Variants in STPG2 observed in about 807,000 individuals in gnomAD.
STPG2 encodes the protein sperm tail PG-rich repeat containing 2.
Under a neutral mutation model 54.2 loss-of-function variants are expected in STPG2, and 56 were observed. The observed-to-expected ratio is 1.03, with a 90% CI of 0.83 to 1.29. The LOEUF (loss-of-function observed/expected upper bound fraction) is 1.29, where lower values mean the gene tolerates loss of function less well. STPG2 is among the 50% of genes most tolerant of loss of function. STPG2 has a pLI of 0.00. For missense variants in STPG2, 596 were observed against 544.9 expected (o/e 1.09, Z -0.93); for synonymous variants, 200 against 181.8 (o/e 1.10, Z -0.81).
rs559726759 is a variant in STPG2, at chr4:97,597,474, A to G, written c.1321-38357T>C. ...CAACTAAGAAAGAAAACTTTTACCCAGTATCCTTCAACGAAACTCTAGCAA... is the reference window on the plus strand; with the variant it reads ...CAACTAAGAAAGAAAACTTTTACCCGGTATCCTTCAACGAAACTCTAGCAA... On this transcript the variant is annotated intron_variant, in intron 10 of 10. Transcript: ENST00000295268. Among the ~76,000 whole-genome samples, 15 of 152,196 alleles carry G rather than the reference A, an allele frequency of 9.9e-5. 1 individual carries two copies. The highest frequency in any genetic ancestry group is 3.4e-3 in the Middle Eastern group (1 of 294).
chr4:97,623,096 G>C (rs902829636), intron 10 of STPG2, among the ~76,000 whole-genome samples: 2 of 151,962 alleles, frequency 1.3e-5, no homozygotes, highest in Non-Finnish European at 2.9e-5. Context: ...CTTTCATACA[G>C]CATATACAAA....
At chr4:97,877,126 T>A (rs528423555) in intron 8 of STPG2, among the ~76,000 whole-genome samples, 1 of 152,336 alleles carries the variant, frequency 6.6e-6, no homozygotes, top group East Asian at 1.9e-4. Flanking sequence ...ATTTTAGCAA[T>A]TTTGAAATAT....
intron 3 of STPG2, among the ~76,000 whole-genome samples, chr4:98,117,211 G>C (rs921589249): frequency 6.6e-6 from 1 of 151,892 alleles, no homozygotes; most frequent in Non-Finnish European, 1.5e-5. Context: ...TGCTGATTCT[G>C]GAATTCTTGA....
chr4:97,908,531 T>C (rs369185089), intron 8 of STPG2, among the ~76,000 whole-genome samples: 1 of 151,920 alleles, frequency 6.6e-6, no homozygotes, highest in African/African-American at 2.4e-5. Context: ...ACCCAAAGGA[T>C]TATAAATCAT....
At chr4:97,867,345 A>G (rs1392914928) in intron 8 of STPG2, among the ~76,000 whole-genome samples, 1 of 151,826 alleles carries the variant, frequency 6.6e-6, no homozygotes, top group Non-Finnish European at 1.5e-5. Flanking sequence ...GAGAAGTCAC[A>G]TTTTCATTTA....
chr4:98,103,053 A>G (rs1403616281), intron 5 of STPG2, among the ~76,000 whole-genome samples: 2 of 151,584 alleles, frequency 1.3e-5, no homozygotes, highest in East Asian at 1.9e-4. Flanking sequence ...CTCTCTCAAT[A>G]CCTTTCATTA....
chr4:97,487,246 T>C (rs1249761077), intron 4 of STPG2, among the ~76,000 whole-genome samples: 3 of 151,172 alleles, frequency 2.0e-5, no homozygotes, highest in Non-Finnish European at 4.4e-5. Context: ...ATTATTTCAT[T>C]TAAATGAACT....
intron 8 of STPG2, among the ~76,000 whole-genome samples, chr4:97,907,728 T>C (rs970106076): frequency 4.6e-5 from 7 of 152,142 alleles, no homozygotes; most frequent in African/African-American, 1.4e-4. Context: ...TCTACAACCA[T>C]CTGATCTTTG....
intron 9 of STPG2, among the ~76,000 whole-genome samples, chr4:97,720,857 A>G (rs900351573): frequency 2.0e-5 from 3 of 152,044 alleles, no homozygotes; most frequent in African/African-American, 4.8e-5. Context: ...ATAAACAACA[A>G]TAAAACAAAT....
intron 2 of STPG2, 117 bp from the exon 3 acceptor site, chr4:98,128,709 A>G (rs1333417497): frequency 2.4e-6 from 2 of 821,440 alleles, no homozygotes; most frequent in Non-Finnish European, 1.8e-6. Flanking sequence ...GAGTTTCATG[A>G]TATAAAACAA....
intron 10 of STPG2, among the ~76,000 whole-genome samples, chr4:97,619,229 G>A (rs1396550465): frequency 6.6e-6 from 1 of 152,012 alleles, no homozygotes; most frequent in African/African-American, 2.4e-5. Context: ...TAAAGGTTGT[G>A]TGTGTGTGTA....
intron 5 of STPG2, among the ~76,000 whole-genome samples, chr4:98,059,641 C>CAA (rs33990276): frequency 7.3e-6 from 1 of 137,288 alleles, no homozygotes; most frequent in African/African-American, 2.7e-5. Context: ...AATATCAATG[C>CAA]AAAAAAAAAA....
At chr4:97,826,933 G>T in intron 9 of STPG2, among the ~76,000 whole-genome samples, 1 of 152,298 alleles carries the variant, frequency 6.6e-6, no homozygotes, top group East Asian at 1.9e-4. Flanking sequence ...GTCATTCACA[G>T]ACAATTGTTG....
chr4:97,598,237 T>C (rs1200334209), intron 10 of STPG2, among the ~76,000 whole-genome samples: 2 of 151,838 alleles, frequency 1.3e-5, no homozygotes, highest in African/African-American at 4.8e-5. Context: ...AAATCAGAGA[T>C]GAAACATACA....
intron 3 of STPG2, among the ~76,000 whole-genome samples, chr4:98,113,601 T>C (rs76516117): frequency 0.038 from 5,723 of 152,116 alleles, 141 homozygotes; most frequent in Non-Finnish European, 0.053. Context: ...TTCTTCACTA[T>C]GGACATTCAG....
chr4:97,736,525 C>T (rs527927780), intron 9 of STPG2, among the ~76,000 whole-genome samples: 79 of 152,274 alleles, frequency 5.2e-4, no homozygotes, highest in Non-Finnish European at 8.1e-4. Context: ...GCTTTTCCAA[C>T]GGGCTTAAAA....
chr4:97,452,528 G>A (rs191364155), intron 4 of STPG2, among the ~76,000 whole-genome samples: 65 of 152,174 alleles, frequency 4.3e-4, no homozygotes, highest in Admixed American at 1.8e-3. Flanking sequence ...CCTCCCCTCT[G>A]AGGCCCATAA....
At chr4:98,111,842 G>C (rs1036063721) in intron 3 of STPG2, among the ~76,000 whole-genome samples, 2 of 152,060 alleles carry the variant, frequency 1.3e-5, no homozygotes, top group Admixed American at 1.3e-4. Context: ...AGGTAAATTT[G>C]TTCTCTTTTC....
intron 8 of STPG2, among the ~76,000 whole-genome samples, chr4:97,886,625 G>GC (rs1162952909): frequency 1.3e-5 from 2 of 152,266 alleles, no homozygotes; most frequent in African/African-American, 4.8e-5. Context: ...AAAAGACTAT[G>GC]CCTTCTTTTT....
Sources: allele counts gnomAD v4.1 joint callset (sites outside exome capture counted in the v4.1 genomes callset), GRCh38; gene constraint gnomAD v4.1.1; transcripts MANE v1.5; gene names NCBI Gene and HGNC (gene_info 2026-07-23, HGNC 2026-07-21).